RSRC1: variants seen among roughly 807,000 people sequenced by gnomAD.
The protein encoded by RSRC1 is serine/Arginine-related protein 53.
Under a neutral mutation model 49.1 loss-of-function variants are expected in RSRC1, and 39 were observed. The ratio of observed to expected loss-of-function variants is 0.79; its 90% CI spans 0.61 to 1.04. The LOEUF is 1.04. Among genes scored for constraint, RSRC1 ranks in the 50% least tolerant of loss-of-function variants. The pLI is 0.00. For missense variants in RSRC1, 388 were observed against 402.4 expected (o/e 0.96, Z 0.31); for synonymous variants, 143 against 130.8 (o/e 1.09, Z -0.63).
intron 1 of RSRC1, among the ~76,000 whole-genome samples, chr3:158,117,951 T>C (rs576887250): frequency 2.6e-5 from 4 of 151,104 alleles, no homozygotes; most frequent in Non-Finnish European, 5.9e-5. Context: ...CTTATTGTTT[T>C]TGTTGTCTGT....
chr3:158,285,545 C>G (rs372140387), intron 4 of RSRC1, among the ~76,000 whole-genome samples: 77 of 152,138 alleles, frequency 5.1e-4, no homozygotes, highest in Admixed American at 1.2e-3. Flanking sequence ...TCTTCCATTT[C>G]TTTGTATCCT....
intron 8 of RSRC1, among the ~76,000 whole-genome samples, chr3:158,542,816 G>A (rs1472758918): frequency 1.3e-5 from 2 of 151,926 alleles, no homozygotes; most frequent in Non-Finnish European, 2.9e-5. Context: ...TAAATTGTAT[G>A]GTATATGAAT....
chr3:158,341,660 A>G (rs1377110522), intron 5 of RSRC1, among the ~76,000 whole-genome samples: 2 of 152,198 alleles, frequency 1.3e-5, no homozygotes, highest in African/African-American at 4.8e-5. Flanking sequence ...ATGGGGTCAG[A>G]GCCCCCACAC....
At chr3:158,435,749 C>T (rs573282196) in intron 6 of RSRC1, among the ~76,000 whole-genome samples, 1 of 151,748 alleles carries the variant, frequency 6.6e-6, no homozygotes, top group East Asian at 1.9e-4. Flanking sequence ...CATGTTTATA[C>T]ATGAGTGCAG....
chr3:158,240,127 A>G (rs1259848011), intron 4 of RSRC1, among the ~76,000 whole-genome samples: 2 of 152,118 alleles, frequency 1.3e-5, no homozygotes, highest in Admixed American at 6.5e-5. Flanking sequence ...ACTTTTTTCT[A>G]TAAATATCTT....
chr3:158,246,983 G>C (rs997324467), intron 4 of RSRC1, among the ~76,000 whole-genome samples: 10 of 151,982 alleles, frequency 6.6e-5, no homozygotes, highest in African/African-American at 2.4e-4. Context: ...TTTCCAACTT[G>C]TTCCATTCTC....
chr3:158,203,289 A>G (rs766533003), intron 4 of RSRC1, 44 bp downstream of exon 4: 3 of 1,523,920 alleles, frequency 2.0e-6, no homozygotes, highest in Non-Finnish European at 2.7e-6. Context: ...TGGTGATTCC[A>G]TGGCGATGTT....
intron 3 of RSRC1, among the ~76,000 whole-genome samples, chr3:158,125,986 A>G (rs1356972063): frequency 1.3e-5 from 2 of 152,056 alleles, no homozygotes; most frequent in Non-Finnish European, 2.9e-5. Flanking sequence ...CTTTGACTTA[A>G]AGTCTATTTT....
chr3:158,314,279 G>A (rs988175966), intron 5 of RSRC1, among the ~76,000 whole-genome samples: 1 of 152,094 alleles, frequency 6.6e-6, no homozygotes, highest in Non-Finnish European at 1.5e-5. Context: ...TTTTAGTAGA[G>A]ACAGGGTTTC....
intron 6 of RSRC1, among the ~76,000 whole-genome samples, chr3:158,380,642 A>G (rs2108280211): frequency 6.6e-6 from 1 of 152,214 alleles, no homozygotes; most frequent in Admixed American, 6.5e-5. Context: ...TATATATTTT[A>G]TATGAGTTTG....
At chr3:158,389,772 G>A (rs778091952) in intron 6 of RSRC1, among the ~76,000 whole-genome samples, 1 of 152,128 alleles carries the variant, frequency 6.6e-6, no homozygotes, top group Non-Finnish European at 1.5e-5. Flanking sequence ...GTATCTGGTA[G>A]GGCATTCACA....
chr3:158,369,617 G>A (rs1470610414), intron 6 of RSRC1, among the ~76,000 whole-genome samples: 2 of 152,024 alleles, frequency 1.3e-5, no homozygotes. Flanking sequence ...ACATGTGTGA[G>A]TACAGCATCT....
At chr3:158,445,924 A>G (rs954678226) in intron 6 of RSRC1, among the ~76,000 whole-genome samples, 8 of 152,272 alleles carry the variant, frequency 5.3e-5, no homozygotes, top group African/African-American at 1.9e-4. Context: ...CTAAATAAAC[A>G]GTTTGAGATT....
rs781096705 is a variant in RSRC1 at position 158,544,215 on chromosome 3, A to G, written c.945A>G (p.Lys315=). 114 of 1,612,608 alleles carry G rather than the reference A, an allele frequency of 7.1e-5. No homozygotes were observed. Among genetic ancestry groups the G allele is most frequent in the Middle Eastern group, 1.7e-4 (1 of 5,794 alleles). ...TCGAGAAAGCTGATGCTGAGGAAAA[A>G]TGGTTCAAGAGATTAATTGCTCTCC... The part of the protein sequence containing the change: ...LFIEKADAEE[K]WFKRLIALRQ... Residue 315 remains lysine, a synonymous_variant, in exon 10 of 10, where the codon AAA becomes AAG. Transcript: ENST00000611884.
rs147793549 is a variant in RSRC1, at chr3:158,160,630, T to C, written c.320+36639T>C. Among the ~76,000 whole-genome samples, 185 of 152,284 alleles carry C rather than the reference T, an allele frequency of 1.2e-3. 1 individual carries two copies. Among genetic ancestry groups the C allele is most frequent in the African/African-American group, 4.3e-3 (179 of 41,566 alleles). On this transcript the variant is annotated intron_variant, in intron 3 of 9. Transcript: ENST00000611884. ...TCTTTTCTGATATAAAAATAACTAC[T>C]CTAAAACTACTTTAATGGGTGTTTA... is the stretch of plus-strand genomic sequence containing the variant.
At chr3:158,376,190 G>GT (rs760919300) in intron 6 of RSRC1, among the ~76,000 whole-genome samples, 33,493 of 71,342 alleles carry the variant, frequency 0.47, 7,944 homozygotes, top group South Asian at 0.53. Flanking sequence ...CCTTCCTTTC[G>GT]TTTTTTTTTT....
chr3:158,117,980 C>T (rs948752340), intron 1 of RSRC1, among the ~76,000 whole-genome samples: 9 of 151,792 alleles, frequency 5.9e-5, no homozygotes, highest in African/African-American at 1.9e-4. Context: ...GGCTGGGTCT[C>T]GCTCTGTCTC....
chr3:158,423,711 A>G (rs1440727556), intron 6 of RSRC1, among the ~76,000 whole-genome samples: 1 of 152,212 alleles, frequency 6.6e-6, no homozygotes, highest in Non-Finnish European at 1.5e-5. Context: ...ACCAATGAGC[A>G]TGGAATGTTC....
At chr3:158,194,054 T>TACACAC (rs10530687) in intron 3 of RSRC1, among the ~76,000 whole-genome samples, 1,795 of 144,090 alleles carry the variant, frequency 0.012, 20 homozygotes, top group African/African-American at 0.025. Context: ...ACCCCGTCTA[T>TACACAC]ACACACACAC....
Sources: allele counts gnomAD v4.1 joint callset (sites outside exome capture counted in the v4.1 genomes callset), GRCh38; gene constraint gnomAD v4.1.1; transcripts MANE v1.5; gene names NCBI Gene and HGNC (gene_info 2026-07-23, HGNC 2026-07-21).